Variants in SLC35F4 observed in about 807,000 individuals in gnomAD.
The protein encoded by SLC35F4 is solute carrier family 35 member F4, also known as chromosome 14 open reading frame 36.
In SLC35F4, 24 loss-of-function variants were observed where a neutral mutation model predicts 44.2. That is an observed-to-expected ratio of 0.54 (90% CI 0.39 to 0.76). The LOEUF is 0.76. SLC35F4 is among the 30% of genes least tolerant of loss of function. The pLI is 0.00. For synonymous variants in SLC35F4, 238 were observed against 223.6 expected (o/e 1.06, Z -0.57); for missense variants, 562 against 586.1 (o/e 0.96, Z 0.42).
At chr14:57,600,172 C>T (rs4898939) in intron 1 of SLC35F4, among the ~76,000 whole-genome samples, 55,155 of 152,076 alleles carry the variant, frequency 0.36, 10,627 homozygotes, top group Admixed American at 0.45. Flanking sequence ...ATAATTCTTC[C>T]AAACAAGCTC....
At chr14:57,579,352 T>TA (rs1170451308) in intron 4 of SLC35F4, 1 of 152,232 alleles carries the variant, frequency 6.6e-6, no homozygotes, top group Non-Finnish European at 1.5e-5. Context: ...TTTTGATTTT[T>TA]AAAATCTGCT....
At chr14:57,643,868 T>C (rs1197352237) in intron 1 of SLC35F4, among the ~76,000 whole-genome samples, 2 of 152,040 alleles carry the variant, frequency 1.3e-5, no homozygotes, top group East Asian at 3.9e-4. Flanking sequence ...ATATGCGGTG[T>C]TTGGTTTTTT....
intron 1 of SLC35F4, among the ~76,000 whole-genome samples, chr14:57,948,748 G>A (rs936915410): frequency 3.9e-5 from 6 of 151,982 alleles, no homozygotes; most frequent in Middle Eastern, 3.4e-3. Context: ...ATTATCATTC[G>A]GTTCAAATAA....
chr14:57,869,581 A>T (rs1439732602), upstream of SLC35F4, among the ~76,000 whole-genome samples: 1 of 152,222 alleles, frequency 6.6e-6, no homozygotes, highest in Non-Finnish European at 1.5e-5. Context: ...CTGGGAAATT[A>T]GTATATTTTA....
At chr14:57,628,030 C>T (rs2140118006) in intron 1 of SLC35F4, among the ~76,000 whole-genome samples, 1 of 152,022 alleles carries the variant, frequency 6.6e-6, no homozygotes, top group East Asian at 1.9e-4. Flanking sequence ...TTTTGTATTC[C>T]TTTATTTCCT....
intron 1 of SLC35F4, among the ~76,000 whole-genome samples, chr14:57,724,094 T>A (rs1361754648): frequency 1.3e-5 from 2 of 152,200 alleles, no homozygotes; most frequent in African/African-American, 4.8e-5. Context: ...ACATTCCTCA[T>A]CTGGGTGTGA....
chr14:57,939,956 G>C (rs1301581601), intron 1 of SLC35F4, among the ~76,000 whole-genome samples: 2 of 152,232 alleles, frequency 1.3e-5, no homozygotes, highest in African/African-American at 4.8e-5. Context: ...AGGACTAAGA[G>C]AAGGCCACTG....
intron 1 of SLC35F4, among the ~76,000 whole-genome samples, chr14:57,621,936 A>T (rs1388302153): frequency 4.0e-5 from 6 of 150,790 alleles, no homozygotes; most frequent in Admixed American, 3.3e-4. Context: ...AGGGCTAATA[A>T]CTAGAATCTA....
chr14:57,847,623 A>G (rs1433548479), intron 1 of SLC35F4, among the ~76,000 whole-genome samples: 2 of 152,228 alleles, frequency 1.3e-5, no homozygotes, highest in Non-Finnish European at 2.9e-5. Context: ...TTTTATTACA[A>G]TATAACATAC....
intron 1 of SLC35F4, among the ~76,000 whole-genome samples, chr14:57,836,415 C>T (rs1884928889): frequency 1.3e-5 from 2 of 152,164 alleles, no homozygotes; most frequent in African/African-American, 4.8e-5. Context: ...GCCTCAGCCT[C>T]CCGAGTAGCT....
intron 1 of SLC35F4, among the ~76,000 whole-genome samples, chr14:57,942,977 T>C (rs1490871466): frequency 1.3e-5 from 2 of 152,218 alleles, no homozygotes; most frequent in Admixed American, 6.5e-5. Context: ...AAGCACAGAC[T>C]AGGCTTGAAT....
Position 57,564,219 on chromosome 14 carries a change from C to T in SLC35F4, c.1374G>A (p.Glu458=). The stretch of plus-strand genomic sequence containing the variant: ...TGGGATCAGTCACATCATCCACATG[C>T]TCCTCACTCTTCTTTTCCTTCAGGC... ...INSLKEKKSE[E]HVDDVTDPSI... is the part of the protein sequence containing the mutation. The change falls in exon 8 of 8, where the codon GAG becomes GAA. Residue 458 remains glutamate (E), a synonymous_variant. Transcript: ENST00000556826. 2 of 1,613,600 alleles carry T rather than the reference C, an allele frequency of 1.2e-6. No individual in the cohort carries two copies. Among genetic ancestry groups the T allele is most frequent in the Non-Finnish European group, 8.5e-7 (1 of 1,179,804 alleles).
At chr14:57,673,574 GCCTAT>G (rs2074590634) in intron 1 of SLC35F4, among the ~76,000 whole-genome samples, 1 of 152,002 alleles carries the variant, frequency 6.6e-6, no homozygotes, top group Non-Finnish European at 1.5e-5. Flanking sequence ...CATCAGGGCA[GCCTAT>G]CCCTATTCCA....
intron 1 of SLC35F4, among the ~76,000 whole-genome samples, chr14:57,752,585 C>T (rs1252025432): frequency 1.3e-5 from 2 of 151,928 alleles, no homozygotes; most frequent in African/African-American, 2.4e-5. Flanking sequence ...CTCAGCCTCC[C>T]GAGTAACTGG....
At chr14:57,688,504 G>A (rs2075132361) in intron 1 of SLC35F4, among the ~76,000 whole-genome samples, 1 of 152,150 alleles carries the variant, frequency 6.6e-6, no homozygotes, top group African/African-American at 2.4e-5. Flanking sequence ...TGCTTACTCA[G>A]ACAGGGATAA....
intron 1 of SLC35F4, among the ~76,000 whole-genome samples, chr14:57,860,207 A>T (rs1005513310): frequency 1.3e-5 from 2 of 152,206 alleles, no homozygotes; most frequent in African/African-American, 4.8e-5. Flanking sequence ...GGATGATACC[A>T]GAGCTGGTAC....
chr14:57,739,583 T>A (rs1434837106), intron 1 of SLC35F4, among the ~76,000 whole-genome samples: 1 of 152,162 alleles, frequency 6.6e-6, no homozygotes, highest in Admixed American at 6.5e-5. Flanking sequence ...AAACCAAGGA[T>A]CCTCCCTTCC....
intron 1 of SLC35F4, among the ~76,000 whole-genome samples, chr14:57,905,437 G>A (rs971483400): frequency 2.6e-5 from 4 of 152,214 alleles, no homozygotes; most frequent in African/African-American, 9.6e-5. Flanking sequence ...AACCATGCAA[G>A]GGTGTGAATA....
chr14:57,633,338 G>A (rs1246286571), intron 1 of SLC35F4, among the ~76,000 whole-genome samples: 1 of 152,042 alleles, frequency 6.6e-6, no homozygotes, highest in African/African-American at 2.4e-5. Context: ...ATACCATTTT[G>A]CATTTCCACT....
Sources: gnomAD v4.1 joint callset for allele counts (sites outside exome capture counted in the v4.1 genomes callset) on GRCh38, gnomAD v4.1.1 for gene constraint, MANE v1.5 for transcripts, NCBI Gene and HGNC (gene_info 2026-07-23, HGNC 2026-07-21) for gene names.